The following DEUP1 variants were observed in gnomAD, a reference collection of about 807,000 sequenced individuals.
The protein encoded by DEUP1 is coiled-coil domain containing 67.
Under a neutral mutation model 87.4 loss-of-function variants are expected in DEUP1, and 82 were observed. The observed-to-expected ratio is 0.94, with a 90% confidence interval of 0.78 to 1.13. DEUP1 has a LOEUF of 1.13. Among genes scored for constraint, DEUP1 ranks in the 50% most tolerant of loss-of-function variants. DEUP1 has a pLI of 0.00. For synonymous variants in DEUP1, 214 were observed against 222.7 expected, an observed-to-expected ratio of 0.96 and a Z score of 0.35; for missense variants, 663 against 681.5, an observed-to-expected ratio of 0.97 and a Z score of 0.30.
At chr11:93,412,442 T>C (rs1273281896) in intron 12 of DEUP1, among the ~76,000 whole-genome samples, 1 of 152,196 alleles carries the variant, frequency 6.6e-6, no homozygotes, top group Non-Finnish European at 1.5e-5. Flanking sequence ...ATAGCTGTAT[T>C]CTTGAAGAAG....
intron 3 of DEUP1, 94 bp downstream of exon 3, chr11:93,355,636 C>G: frequency 9.1e-7 from 1 of 1,096,764 alleles, no homozygotes; most frequent in Non-Finnish European, 1.3e-6. Context: ...TACTTTTTAT[C>G]AGGCATCAGC....
intron 7 of DEUP1, among the ~76,000 whole-genome samples, chr11:93,381,792 GT>G (rs933952652): frequency 7.2e-5 from 11 of 152,054 alleles, no homozygotes; most frequent in African/African-American, 2.7e-4. Flanking sequence ...ATTAAAAGAA[GT>G]CAAGAAAAAT....
intron 11 of DEUP1, among the ~76,000 whole-genome samples, chr11:93,399,796 C>T (rs1160220937): frequency 6.6e-6 from 1 of 151,700 alleles, no homozygotes; most frequent in African/African-American, 2.4e-5. Flanking sequence ...TATCTCTTTT[C>T]CATGGCTCAT....
At chr11:93,361,037 A>C (rs1365470503) in intron 4 of DEUP1, among the ~76,000 whole-genome samples, 1 of 152,156 alleles carries the variant, frequency 6.6e-6, no homozygotes, top group Non-Finnish European at 1.5e-5. Flanking sequence ...AAAGAAAAAA[A>C]TCTTGGAAGC....
intron 2 of DEUP1, among the ~76,000 whole-genome samples, chr11:93,346,532 T>C (rs908314598): frequency 1.3e-5 from 2 of 152,220 alleles, no homozygotes; most frequent in African/African-American, 2.4e-5. Flanking sequence ...TAGACTTTCA[T>C]ACGAATTTTT....
At position 93,340,597 on chromosome 11, in the gene DEUP1, G is replaced by A. The variant is rs190706856; in HGVS notation, c.29+8309G>A. 1.2e-4 allele frequency among the ~76,000 whole-genome samples: 19 copies of A among 152,332 alleles called. No homozygotes were observed. The East Asian group carries it at 3.7e-3, about 29-fold the overall frequency. Reference sequence around the variant, plus strand: ...GTTGCTATGGGAAGAATAGACCATAGGAGGGTAAGGGTTGAAAAGGCAGAC... The same window carrying A: ...GTTGCTATGGGAAGAATAGACCATAAGAGGGTAAGGGTTGAAAAGGCAGAC... On this transcript the variant is annotated intron_variant, in intron 2 of 13. Transcript: ENST00000298050.
At chr11:93,400,777 C>T (rs750388486) in intron 11 of DEUP1, among the ~76,000 whole-genome samples, 1 of 151,982 alleles carries the variant, frequency 6.6e-6, no homozygotes, top group African/African-American at 2.4e-5. Context: ...TCATTCCCCC[C>T]ACAGAATACC....
At chr11:93,353,936 G>C (rs1331534846) in intron 2 of DEUP1, among the ~76,000 whole-genome samples, 1 of 152,226 alleles carries the variant, frequency 6.6e-6, no homozygotes, top group Admixed American at 6.5e-5. Flanking sequence ...TTTCCCCATG[G>C]TCTTGGGGAT....
chr11:93,385,444 G>A lies in DEUP1; in HGVS notation c.836G>A (p.Arg279His), dbSNP rs373830821. The change falls in exon 8 of 14, where the codon CGT becomes CAT. Residue 279 changes from arginine (R) to histidine (H), a missense_variant. By Grantham distance (29) the Arg-to-His change is conservative. Coordinates refer to ENST00000298050, the MANE Select transcript of DEUP1 (RefSeq NM_181645.4). ...GAGGTAAAAAGTGAGTTACAGTCAC[G>A]TGATGATCTCTTGAGAATTATAGAA... ...LSEVKSELQSRDDLLRIIEME... is the reference protein window; with the variant it reads ...LSEVKSELQSHDDLLRIIEME... 85 of 1,612,704 alleles carry A rather than the reference G, an allele frequency of 5.3e-5. No individual in the cohort carries two copies. The highest frequency in any genetic ancestry group is 6.6e-5 in the South Asian group (6 of 90,854).
chr11:93,398,716 G>T (rs536888491), intron 11 of DEUP1, among the ~76,000 whole-genome samples: 1 of 146,726 alleles, frequency 6.8e-6, no homozygotes, highest in Non-Finnish European at 1.5e-5. Flanking sequence ...TCTTTTTCAT[G>T]TCAAATTTTT....
chr11:93,391,137 G>A (rs975546833), intron 9 of DEUP1, among the ~76,000 whole-genome samples: 1 of 147,590 alleles, frequency 6.8e-6, no homozygotes, highest in African/African-American at 2.5e-5. Context: ...TAATTCTTTT[G>A]TAATAAAACT....
At chr11:93,415,774 T>C (rs1947600506) in intron 13 of DEUP1, among the ~76,000 whole-genome samples, 1 of 152,118 alleles carries the variant, frequency 6.6e-6, no homozygotes, top group African/African-American at 2.4e-5. Flanking sequence ...AACCTTGTTT[T>C]TTAGATTGAT....
At chr11:93,405,566 T>C (rs1947247371) in intron 11 of DEUP1, among the ~76,000 whole-genome samples, 1 of 151,992 alleles carries the variant, frequency 6.6e-6, no homozygotes, top group South Asian at 2.1e-4. Flanking sequence ...CTTTGCTACA[T>C]ATTTACTAAA....
intron 4 of DEUP1, among the ~76,000 whole-genome samples, chr11:93,358,544 G>A (rs866740943): frequency 1.2e-4 from 18 of 152,144 alleles, no homozygotes; most frequent in South Asian, 1.0e-3. Flanking sequence ...CCAATCCATC[G>A]TGTTCCAAAG....
At chr11:93,365,278 A>G (rs1039557758) in intron 5 of DEUP1, among the ~76,000 whole-genome samples, 4 of 152,104 alleles carry the variant, frequency 2.6e-5, no homozygotes, top group Admixed American at 6.6e-5. Flanking sequence ...CTAGATTTTA[A>G]TCTTTAAAAG....
rs1945642597 is a variant in DEUP1, at chr11:93,370,145, G to C, written c.505G>C (p.Ala169Pro). The change falls in exon 6 of 14, where the codon GCT becomes CCT. Residue 169 changes from alanine to proline, a missense_variant. Ala to Pro is a conservative substitution (Grantham distance 27). Coordinates refer to ENST00000298050, the MANE Select transcript of DEUP1 (RefSeq NM_181645.4). ...LYQTHLISLD[A>P]QQKLLSEKCN... ...TCAGACTCATCTGATTTCTTTAGAT[G>C]CTCAACAAAAATTATTATCTGAGAA... 4.4e-6 allele frequency: 7 copies of C among 1,601,920 alleles called. No homozygotes were observed. Among genetic ancestry groups the C allele is most frequent in the Non-Finnish European group, 6.0e-6 (7 of 1,171,270 alleles).
At chr11:93,348,597 A>C (rs374755523) in intron 2 of DEUP1, among the ~76,000 whole-genome samples, 2 of 152,238 alleles carry the variant, frequency 1.3e-5, no homozygotes, top group African/African-American at 4.8e-5. Flanking sequence ...TTTACCAAAA[A>C]GTTATTCAGA....
intron 11 of DEUP1, among the ~76,000 whole-genome samples, chr11:93,402,297 G>T (rs547818311): frequency 6.6e-6 from 1 of 151,706 alleles, no homozygotes; most frequent in African/African-American, 2.4e-5. Flanking sequence ...AATCAAAACC[G>T]CAATCAGATA....
chr11:93,394,324 C>A (rs7111812), intron 9 of DEUP1, 135 bp from the exon 10 acceptor site: 1 of 564,802 alleles, frequency 1.8e-6, no homozygotes, highest in Non-Finnish European at 3.1e-6. Context: ...TTTAATTTAG[C>A]ATTGATCAGA....
Sources: allele counts gnomAD v4.1 joint callset (sites outside exome capture counted in the v4.1 genomes callset), GRCh38; gene constraint gnomAD v4.1.1; transcripts MANE v1.5; gene names NCBI Gene and HGNC (gene_info 2026-07-23, HGNC 2026-07-21).